The following SH3GL1 variants were observed in gnomAD, a reference collection of about 807,000 sequenced individuals.
SH3GL1 encodes the protein endophilin-A2.
SH3GL1 carries 21 observed loss-of-function variants against 48.8 expected under a neutral mutation model. The observed-to-expected ratio is 0.43, with a 90% CI of 0.30 to 0.62. The LOEUF (loss-of-function observed/expected upper bound fraction) is 0.62. Among genes scored for constraint, SH3GL1 ranks in the 20% least tolerant of loss-of-function variants. The probability of loss-of-function intolerance (pLI) is 0.11; values close to 1 mark genes in which losing one functional copy is unlikely to be tolerated. For synonymous variants in SH3GL1, 282 were observed against 217.5 expected (o/e 1.30, Z -2.61); for missense variants, 454 against 503.0 (o/e 0.90, Z 0.93).
rs1293013816 is a variant in SH3GL1, at chr19:4,361,433, C to T, written c.*167G>A. ...CCCCACCCACCCAGATAAGCCCCCC[C>T]ACCCAAGTGTGGGGTCCTGCTCAGG... On this transcript the variant is annotated 3_prime_UTR_variant, in exon 10 of 10. Transcript: ENST00000269886. The T allele has an allele frequency of 6.6e-6, 4 of 602,382 alleles. No individual in the cohort carries two copies. Among genetic ancestry groups the T allele is most frequent in the Non-Finnish European group, 1.2e-5 (4 of 341,038 alleles). 37.3% of individuals were successfully genotyped at this position (602,382 alleles called of 1,614,324 possible).
rs1972588163 is a variant in SH3GL1 at position 4,360,869 on chromosome 19, G to C, written c.*731C>G. On this transcript the variant is annotated 3_prime_UTR_variant, in exon 10 of 10. Coordinates refer to ENST00000269886, the MANE Select transcript of SH3GL1 (RefSeq NM_003025.4). Reference sequence around the variant, plus strand: ...CACAGGCCTCCCTGGGTTGGGATGGGGGCAGTTAAAAAGCTGAAAAGGTAC... The same window carrying C: ...CACAGGCCTCCCTGGGTTGGGATGGCGGCAGTTAAAAAGCTGAAAAGGTAC... 1 of 233,940 alleles carries C rather than the reference G, an allele frequency of 4.3e-6. No individual in the cohort carries two copies. The highest frequency in any genetic ancestry group is 2.2e-5 in the African/African-American group (1 of 45,474). 14.5% of individuals were successfully genotyped at this position (233,940 alleles called of 1,614,324 possible).
rs1973303260 is a variant in SH3GL1, at chr19:4,389,816, T to G, written c.45+10508A>C. On this transcript the variant is annotated intron_variant, in intron 1 of 9. Coordinates refer to ENST00000269886, the MANE Select transcript of SH3GL1 (RefSeq NM_003025.4). The surrounding 1 kb of genome is among the most constrained non-coding windows in gnomAD (Gnocchi z 4.5). ...CGGCGGCAATGGGCTCATATTCCAGTGGCAACGGCAATGGAATAATCACTC... is the reference window on the plus strand; with the variant it reads ...CGGCGGCAATGGGCTCATATTCCAGGGGCAACGGCAATGGAATAATCACTC... 6.6e-6 allele frequency among the ~76,000 whole-genome samples: 1 copy of G among 152,128 alleles called. No individual in the cohort carries two copies.
At chr19:4,384,114 G>A (rs760720994) in intron 1 of SH3GL1, among the ~76,000 whole-genome samples, 11 of 152,192 alleles carry the variant, frequency 7.2e-5, no homozygotes, top group Admixed American at 3.9e-4. Context: ...TTCTGTGAGC[G>A]CGGCCTCACT....
intron 1 of SH3GL1, among the ~76,000 whole-genome samples, chr19:4,370,091 C>T (rs527533308): frequency 1.3e-5 from 2 of 152,240 alleles, no homozygotes; most frequent in Admixed American, 6.5e-5. Context: ...CTGGGCGCCA[C>T]GGGGAGGCTC....
rs370457122 is a variant in SH3GL1, at chr19:4,363,705, C to A, written c.624+15G>T. ...GCATAGGTCTTCTCAGGATGTGACA[C>A]CCCGAGCTACTCACGTCAGTCTCCA... On this transcript the variant is annotated intron_variant, in intron 6 of 9. Transcript: ENST00000269886. The A allele has an allele frequency of 4.3e-6, 7 of 1,612,396 alleles. No individual in the cohort carries two copies. The African/African-American group carries it at 9.3e-5, about 22-fold the overall frequency.
chr19:4,397,846 C>A (rs977097746), intron 1 of SH3GL1, among the ~76,000 whole-genome samples: 1 of 152,146 alleles, frequency 6.6e-6, no homozygotes, highest in Non-Finnish European at 1.5e-5. Context: ...AGGGTTGTTA[C>A]TTTTTTTATT....
intron 9 of SH3GL1, among the ~76,000 whole-genome samples, chr19:4,362,062 A>G (rs1972632429): frequency 6.6e-6 from 1 of 152,210 alleles, no homozygotes. Flanking sequence ...GGTGACAGGG[A>G]GTGACCAGAT....
intron 1 of SH3GL1, among the ~76,000 whole-genome samples, chr19:4,397,927 G>A (rs1335881513): frequency 1.3e-5 from 2 of 152,080 alleles, no homozygotes; most frequent in Non-Finnish European, 2.9e-5. Flanking sequence ...GTTCACTGCA[G>A]CCTTGAACTG....
In SH3GL1 at chr19:4,389,290, C is replaced by T. The variant is rs536057534; in HGVS notation, c.45+11034G>A. 6.6e-6 allele frequency among the ~76,000 whole-genome samples: 1 copy of T among 152,300 alleles called. No homozygotes were observed. The highest frequency in any genetic ancestry group is 2.4e-5 in the African/African-American group (1 of 41,560). On this transcript the variant is annotated intron_variant, in intron 1 of 9. Coordinates refer to ENST00000269886, the MANE Select transcript of SH3GL1 (RefSeq NM_003025.4). The surrounding 1 kb of genome is among the most constrained non-coding windows in gnomAD (Gnocchi z 4.5). ...CAGCGTGTGGCATCTGGGTGGGGGACCCCGAGGCCAGAAGCTCCAAGGGCT... is the reference window on the plus strand; with the variant it reads ...CAGCGTGTGGCATCTGGGTGGGGGATCCCGAGGCCAGAAGCTCCAAGGGCT...
At chr19:4,387,461 C>T (rs1475565297) in intron 1 of SH3GL1, among the ~76,000 whole-genome samples, 3 of 152,118 alleles carry the variant, frequency 2.0e-5, no homozygotes, top group Non-Finnish European at 4.4e-5. Context: ...CTATGACTGG[C>T]TAATTTAATT....
intron 1 of SH3GL1, among the ~76,000 whole-genome samples, chr19:4,394,694 T>C (rs536288905): frequency 1.3e-5 from 2 of 152,300 alleles, no homozygotes; most frequent in South Asian, 2.1e-4. Flanking sequence ...AGTAAGTTTA[T>C]CTTTTCCAGC....
chr19:4,369,675 C>T (rs1483065239), intron 1 of SH3GL1, among the ~76,000 whole-genome samples: 1 of 152,226 alleles, frequency 6.6e-6, no homozygotes, highest in East Asian at 1.9e-4. Context: ...CAGGACCCTG[C>T]CTTCCTGAGC....
intron 1 of SH3GL1, among the ~76,000 whole-genome samples, chr19:4,392,723 G>A (rs1454381208): frequency 2.0e-5 from 3 of 151,872 alleles, no homozygotes; most frequent in African/African-American, 7.3e-5. Flanking sequence ...AAGGCGGGCG[G>A]ATCACCTGAG....
intron 1 of SH3GL1, among the ~76,000 whole-genome samples, chr19:4,372,957 G>A (rs1048512677): frequency 6.6e-6 from 1 of 152,268 alleles, no homozygotes; most frequent in East Asian, 1.9e-4. Context: ...GGCGCTGGCT[G>A]CAGGCAGCTC....
intron 1 of SH3GL1, among the ~76,000 whole-genome samples, chr19:4,383,842 G>A (rs1171367812): frequency 1.3e-5 from 2 of 152,142 alleles, no homozygotes; most frequent in East Asian, 3.9e-4. Context: ...AACACAATGC[G>A]AGAGCCGGGA....
At position 4,384,034 on chromosome 19, in the gene SH3GL1, G is replaced by C. The variant is rs141848687; in HGVS notation, c.45+16290C>G. ...TACAAATCAATCTTATCAAGTAGGT[G>C]AATTTGCACAGGGAGCACGTGAGTC... On this transcript the variant is annotated intron_variant, in intron 1 of 9. Coordinates refer to ENST00000269886, the MANE Select transcript of SH3GL1 (RefSeq NM_003025.4). Among the ~76,000 whole-genome samples the C allele has an allele frequency of 4.6e-5, 7 of 152,354 alleles. 1 individual carries two copies. Among genetic ancestry groups the C allele is most frequent in the Non-Finnish European group, 1.0e-4 (7 of 68,034 alleles).
At chr19:4,396,927 T>C (rs1326146694) in intron 1 of SH3GL1, among the ~76,000 whole-genome samples, 1 of 152,152 alleles carries the variant, frequency 6.6e-6, no homozygotes, top group Non-Finnish European at 1.5e-5. Context: ...AAAGGGGGAA[T>C]GTTTTTTACC....
chr19:4,391,870 C>CGCCGGCTCCAAT (rs1011827511), intron 1 of SH3GL1, among the ~76,000 whole-genome samples: 4 of 152,238 alleles, frequency 2.6e-5, no homozygotes, highest in Non-Finnish European at 2.9e-5. Context: ...GGGTCCACGC[C>CGCCGGCTCCAAT]GCCGGCTCCA....
At chr19:4,374,866 T>C (rs1212554084) in intron 1 of SH3GL1, among the ~76,000 whole-genome samples, 1 of 151,896 alleles carries the variant, frequency 6.6e-6, no homozygotes, top group African/African-American at 2.4e-5. Flanking sequence ...CTGGTGGCCG[T>C]ATGGGGCCTA....
Sources: allele counts gnomAD v4.1 joint callset (sites outside exome capture counted in the v4.1 genomes callset), GRCh38; gene constraint gnomAD v4.1.1; non-coding constraint Gnocchi (gnomAD v3.1); transcripts MANE v1.5; gene names NCBI Gene and HGNC (gene_info 2026-07-23, HGNC 2026-07-21).